Variants in PTPRT observed in about 807,000 individuals in gnomAD.
PTPRT encodes protein tyrosine phosphatase receptor type T, also known as receptor-type tyrosine-protein phosphatase T.
In PTPRT, 56 loss-of-function variants were observed where a neutral mutation model predicts 176.8. That is an observed-to-expected ratio of 0.32 (90% CI 0.26 to 0.40). PTPRT has a LOEUF of 0.40. PTPRT is among the 10% of genes least tolerant of loss of function. The pLI, the probability that PTPRT is intolerant of heterozygous loss-of-function variation, is 1.00. For missense variants in PTPRT, 1,540 were observed against 1,908.2 expected, an observed-to-expected ratio of 0.81 and a Z score of 3.60; for synonymous variants, 783 against 739.0, an observed-to-expected ratio of 1.06 and a Z score of -0.96.
At chr20:42,920,880 G>A (rs1458842571) in intron 1 of PTPRT, among the ~76,000 whole-genome samples, 2 of 152,166 alleles carry the variant, frequency 1.3e-5, no homozygotes, top group Non-Finnish European at 2.9e-5. Flanking sequence ...ATTTAAGAGT[G>A]CTTGTGTTTG....
chr20:42,891,623 GCTC>G (rs904301267), intron 1 of PTPRT, among the ~76,000 whole-genome samples: 1 of 152,102 alleles, frequency 6.6e-6, no homozygotes, highest in Non-Finnish European at 1.5e-5. Context: ...AAAAACATGA[GCTC>G]TTCTTTTGAA....
intron 7 of PTPRT, among the ~76,000 whole-genome samples, chr20:42,499,785 C>T (rs1038995052): frequency 6.6e-6 from 1 of 152,086 alleles, no homozygotes; most frequent in East Asian, 1.9e-4. Context: ...TTGAAAATAA[C>T]CCTTGTATAA....
In PTPRT at chr20:42,102,282, T is replaced by G; in HGVS notation, c.3556A>C (p.Thr1186Pro). ...KDEFQTLNIV[T>P]PRVRPEDCSI... ...CAGTCCTCGGGCCGCACACGGGGTGTCACAATGTTGAGGGTCTGTGGGGCA... is the reference window on the plus strand; with the variant it reads ...CAGTCCTCGGGCCGCACACGGGGTGGCACAATGTTGAGGGTCTGTGGGGCA... Residue 1186 changes from threonine to proline, a missense_variant, in exon 26 of 31, where the codon ACA becomes CCA. By Grantham distance (38) the Thr-to-Pro change is conservative. This residue lies in a region of PTPRT where 342 missense variants were observed against 394.0 expected (regional missense o/e 0.87). Transcript: ENST00000373187. 1 of 1,614,004 alleles carries G rather than the reference T, an allele frequency of 6.2e-7. No individual in the cohort carries two copies. Among genetic ancestry groups the G allele is most frequent in the Non-Finnish European group, 8.5e-7 (1 of 1,179,922 alleles).
chr20:42,770,647 T>C (rs1314074417), intron 5 of PTPRT, among the ~76,000 whole-genome samples: 2 of 150,884 alleles, frequency 1.3e-5, no homozygotes, highest in African/African-American at 4.8e-5. Context: ...AAAATTCCCA[T>C]AAAAAGCGAC....
At chr20:42,956,566 G>A (rs1981651900) in intron 1 of PTPRT, among the ~76,000 whole-genome samples, 1 of 152,018 alleles carries the variant, frequency 6.6e-6, no homozygotes. Context: ...GCAGAACCAG[G>A]AGCCAATTAA....
intron 2 of PTPRT, among the ~76,000 whole-genome samples, chr20:42,835,976 T>G (rs2078174148): frequency 6.6e-6 from 1 of 152,122 alleles, no homozygotes; most frequent in Admixed American, 6.5e-5. Flanking sequence ...GGAAGGAGAC[T>G]AGCTCAGTGC....
intron 13 of PTPRT, among the ~76,000 whole-genome samples, chr20:42,277,784 G>C (rs888953805): frequency 5.3e-5 from 8 of 151,726 alleles, no homozygotes; most frequent in Non-Finnish European, 1.0e-4. Context: ...CTTTACCTCT[G>C]TCACTTTTAC....
intron 11 of PTPRT, among the ~76,000 whole-genome samples, chr20:42,322,661 A>G (rs957939251): frequency 3.3e-5 from 5 of 151,966 alleles, no homozygotes; most frequent in African/African-American, 1.2e-4. Flanking sequence ...AAAAACCTAG[A>G]AGAAAACCTA....
At chr20:43,095,355 G>C (rs529017478) in intron 1 of PTPRT, among the ~76,000 whole-genome samples, 1 of 152,216 alleles carries the variant, frequency 6.6e-6, no homozygotes, top group South Asian at 2.1e-4. Context: ...TTACAGCTGA[G>C]AACTAAAGAG....
intron 1 of PTPRT, among the ~76,000 whole-genome samples, chr20:42,930,932 T>C (rs914021437): frequency 1.3e-5 from 2 of 152,152 alleles, no homozygotes; most frequent in Non-Finnish European, 1.5e-5. Flanking sequence ...ATCTAGAATA[T>C]AGAAGCTTTA....
At chr20:42,822,332 G>T (rs1450810926) in intron 2 of PTPRT, among the ~76,000 whole-genome samples, 9 of 152,168 alleles carry the variant, frequency 5.9e-5, no homozygotes. Flanking sequence ...ATGGTGCTGG[G>T]ATAACTGCCT....
intron 13 of PTPRT, among the ~76,000 whole-genome samples, chr20:42,271,217 C>A (rs926643326): frequency 2.0e-5 from 3 of 152,180 alleles, no homozygotes; most frequent in Admixed American, 2.0e-4. Context: ...CTGTCCCAAG[C>A]ATGACAACAG....
chr20:42,880,315 C>T (rs899735417), intron 2 of PTPRT, among the ~76,000 whole-genome samples: 1 of 152,168 alleles, frequency 6.6e-6, no homozygotes, highest in Non-Finnish European at 1.5e-5. Context: ...AAAATATAGT[C>T]TCAGCTCCCT....
At chr20:42,427,849 T>C (rs2059180073) in intron 9 of PTPRT, among the ~76,000 whole-genome samples, 1 of 152,194 alleles carries the variant, frequency 6.6e-6, no homozygotes, top group Non-Finnish European at 1.5e-5. Context: ...TCCCCCACCC[T>C]TAAGAAGGTT....
intron 2 of PTPRT, among the ~76,000 whole-genome samples, chr20:42,858,699 A>C (rs1183376688): frequency 1.3e-5 from 2 of 152,180 alleles, no homozygotes; most frequent in Non-Finnish European, 2.9e-5. Flanking sequence ...GTGAGCAATA[A>C]ATTTCTGTTG....
chr20:42,569,081 A>AAAAAAGATATAGATATAGATATAT, intron 7 of PTPRT, among the ~76,000 whole-genome samples: 1 of 30,802 alleles, frequency 3.2e-5, no homozygotes, highest in South Asian at 2.1e-3. Flanking sequence ...AAAAAAAAAA[A>AAAAAAGATATAGATATAGATATAT]ATATATATAT....
intron 6 of PTPRT, among the ~76,000 whole-genome samples, chr20:42,742,706 C>T (rs151333568): frequency 3.3e-5 from 5 of 152,292 alleles, no homozygotes; most frequent in African/African-American, 7.2e-5. Context: ...CATTGTCACA[C>T]GAGTCTTTGA....
At chr20:42,576,017 G>C (rs1051434965) in intron 7 of PTPRT, among the ~76,000 whole-genome samples, 8 of 152,138 alleles carry the variant, frequency 5.3e-5, no homozygotes, top group African/African-American at 1.9e-4. Flanking sequence ...TCCAGAAAAA[G>C]ATCAATACTC....
chr20:42,753,238 C>G (rs1226808036), intron 6 of PTPRT, among the ~76,000 whole-genome samples: 1 of 152,060 alleles, frequency 6.6e-6, no homozygotes, highest in African/African-American at 2.4e-5. Context: ...CAGTTGTACC[C>G]CTTGGGATGG....
Sources: allele counts gnomAD v4.1 joint callset (sites outside exome capture counted in the v4.1 genomes callset), GRCh38; gene constraint gnomAD v4.1.1; regional missense constraint gnomAD v4.1.1; transcripts MANE v1.5; gene names NCBI Gene and HGNC (gene_info 2026-07-23, HGNC 2026-07-21).